Variants in CPNE4 observed in about 807,000 individuals in gnomAD.
CPNE4 encodes copine-4.
A neutral mutation model predicts 67.9 loss-of-function variants in CPNE4; 25 were observed. The ratio of observed to expected loss-of-function variants is 0.37; its 90% CI spans 0.27 to 0.51. CPNE4 has a LOEUF of 0.51. CPNE4 is among the 20% of genes least tolerant of loss of function. The pLI is 0.93. For synonymous variants in CPNE4, 242 were observed against 244.9 expected (o/e 0.99, Z 0.11); for missense variants, 464 against 690.8 (o/e 0.67, Z 3.68).
At chr3:131,883,251 A>G (rs1172537706) in intron 2 of CPNE4, among the ~76,000 whole-genome samples, 2 of 152,144 alleles carry the variant, frequency 1.3e-5, no homozygotes, top group African/African-American at 4.8e-5. Context: ...CAATCTGGAA[A>G]CAACCTGCCC....
intron 2 of CPNE4, among the ~76,000 whole-genome samples, chr3:131,738,620 GTTTT>G (rs77456768): frequency 6.6e-6 from 1 of 151,844 alleles, no homozygotes; most frequent in Non-Finnish European, 1.5e-5. Flanking sequence ...GGTTTTGTGG[GTTTT>G]TTGTTTGTTC....
chr3:131,830,616 T>A (rs2085331814), intron 2 of CPNE4, among the ~76,000 whole-genome samples: 2 of 152,188 alleles, frequency 1.3e-5, no homozygotes, highest in Admixed American at 6.6e-5. Context: ...CAGACAACCC[T>A]AATCACAACC....
At chr3:131,793,827 T>A (rs2083848449) in intron 2 of CPNE4, among the ~76,000 whole-genome samples, 1 of 151,922 alleles carries the variant, frequency 6.6e-6, no homozygotes, top group Admixed American at 6.6e-5. Context: ...TCTGTATACA[T>A]GAGATTAGAG....
chr3:131,791,339 T>A lies in CPNE4; in HGVS notation c.181-67714A>T, dbSNP rs139158717. ...TGTATATCAAAACCACAGTGATTCA[T>A]CAGCAAAAATTATTTTTAGTCATCC... On this transcript the variant is annotated intron_variant, in intron 2 of 15. Coordinates refer to ENST00000429747, the MANE Select transcript of CPNE4 (RefSeq NM_130808.3). Among the ~76,000 whole-genome samples the A allele has an allele frequency of 1.2e-3, 186 of 152,292 alleles. 1 individual carries two copies. The highest frequency in any genetic ancestry group is 4.4e-3 in the African/African-American group (182 of 41,558).
At chr3:131,973,443 T>C (rs929384958) in intron 1 of CPNE4, among the ~76,000 whole-genome samples, 5 of 152,234 alleles carry the variant, frequency 3.3e-5, no homozygotes, top group Non-Finnish European at 7.3e-5. Flanking sequence ...TTCTATAGCC[T>C]CTGATATGGA....
intron 2 of CPNE4, among the ~76,000 whole-genome samples, chr3:131,831,684 A>T (rs148439073): frequency 4.6e-5 from 7 of 152,178 alleles, no homozygotes; most frequent in African/African-American, 1.7e-4. Context: ...AAAAAATTTT[A>T]AGGGATAACT....
At chr3:131,958,009 G>C (rs1331074623) in intron 1 of CPNE4, among the ~76,000 whole-genome samples, 4 of 152,188 alleles carry the variant, frequency 2.6e-5, no homozygotes, top group Non-Finnish European at 5.9e-5. Flanking sequence ...GAGTTTGATA[G>C]AAAACAACCT....
chr3:131,557,100 G>C (rs141078070), intron 11 of CPNE4, among the ~76,000 whole-genome samples: 87 of 152,114 alleles, frequency 5.7e-4, no homozygotes, highest in African/African-American at 1.9e-3. Flanking sequence ...TTTTCTGCTA[G>C]TACTTCCAGT....
At chr3:131,977,516 G>T (rs1372571464) in intron 1 of CPNE4, among the ~76,000 whole-genome samples, 1 of 151,894 alleles carries the variant, frequency 6.6e-6, no homozygotes, top group Non-Finnish European at 1.5e-5. Flanking sequence ...ACCCAAAAAA[G>T]AAACTATCTA....
At chr3:131,738,521 G>T (rs1406111418) in intron 2 of CPNE4, among the ~76,000 whole-genome samples, 1 of 152,162 alleles carries the variant, frequency 6.6e-6, no homozygotes, top group Non-Finnish European at 1.5e-5. Flanking sequence ...AGCAACAGAT[G>T]GGGAAGGGAG....
At chr3:131,780,828 C>T (rs970231969) in intron 2 of CPNE4, among the ~76,000 whole-genome samples, 1 of 151,898 alleles carries the variant, frequency 6.6e-6, no homozygotes, top group Non-Finnish European at 1.5e-5. Flanking sequence ...CCTCTTGAAC[C>T]TAAAATAGAA....
intron 1 of CPNE4, among the ~76,000 whole-genome samples, chr3:131,907,248 A>T (rs1166958000): frequency 2.0e-5 from 3 of 152,144 alleles, no homozygotes; most frequent in Non-Finnish European, 2.9e-5. Context: ...TACCTTGCTT[A>T]TGGAATTCTG....
intron 2 of CPNE4, among the ~76,000 whole-genome samples, chr3:131,886,919 T>C (rs939402581): frequency 1.3e-5 from 2 of 152,244 alleles, no homozygotes; most frequent in East Asian, 1.9e-4. Context: ...GGACATGCCT[T>C]GTCTCCAGTG....
intron 1 of CPNE4, among the ~76,000 whole-genome samples, chr3:131,977,829 C>A (rs1389456294): frequency 4.6e-5 from 7 of 151,368 alleles, no homozygotes; most frequent in African/African-American, 1.7e-4. Context: ...ATCCCTCATC[C>A]CCCTCCCACT....
intron 1 of CPNE4, among the ~76,000 whole-genome samples, chr3:131,966,496 G>A (rs2072351346): frequency 6.6e-6 from 1 of 152,040 alleles, no homozygotes; most frequent in Admixed American, 6.6e-5. Context: ...AAGAAGAAAA[G>A]AGAAAAGAAT....
At chr3:131,933,182 C>T (rs1375922428) in intron 1 of CPNE4, among the ~76,000 whole-genome samples, 1 of 152,028 alleles carries the variant, frequency 6.6e-6, no homozygotes. Flanking sequence ...GTGAGTTCAT[C>T]ATGAATCACT....
rs546866895 is a variant in CPNE4 at position 131,566,873 on chromosome 3, G to A, written c.928-2524C>T. Among the ~76,000 whole-genome samples, 3 of 151,956 alleles carry A rather than the reference G, an allele frequency of 2.0e-5. No individual in the cohort carries two copies. The South Asian group carries it at 6.2e-4, about 31-fold the overall frequency. ...GAGGAAAGCATGTTAGTACTCCAGGGAATTCTAGAGAGCGTGAAGATGTTG... is the reference window on the plus strand; with the variant it reads ...GAGGAAAGCATGTTAGTACTCCAGGAAATTCTAGAGAGCGTGAAGATGTTG... On this transcript the variant is annotated intron_variant, in intron 10 of 15. Transcript: ENST00000429747.
chr3:131,885,185 A>G (rs2087831010), intron 2 of CPNE4, among the ~76,000 whole-genome samples: 1 of 152,186 alleles, frequency 6.6e-6, no homozygotes, highest in African/African-American at 2.4e-5. Context: ...GTGGTCTCAA[A>G]TGGAGATGAG....
intron 7 of CPNE4, among the ~76,000 whole-genome samples, chr3:131,666,392 T>G (rs2080262536): frequency 6.6e-6 from 1 of 151,986 alleles, no homozygotes; most frequent in East Asian, 1.9e-4. Flanking sequence ...TTGAGAGACA[T>G]TAAAATATGG....
Sources: allele counts gnomAD v4.1 joint callset (sites outside exome capture counted in the v4.1 genomes callset), GRCh38; gene constraint gnomAD v4.1.1; transcripts MANE v1.5; gene names NCBI Gene and HGNC (gene_info 2026-07-23, HGNC 2026-07-21).